The following SRGAP3 variants were observed in gnomAD, a reference collection of about 807,000 sequenced individuals.
SRGAP3 encodes the protein SLIT-ROBO Rho GTPase activating protein 3.
Under a neutral mutation model 121.1 loss-of-function variants are expected in SRGAP3, and 39 were observed. The ratio of observed to expected loss-of-function variants is 0.32; its 90% CI spans 0.25 to 0.42. The LOEUF is 0.42. Among genes scored for constraint, SRGAP3 ranks in the 10% least tolerant of loss-of-function variants. The pLI is 1.00. For missense variants in SRGAP3, 1,213 were observed against 1,470.6 expected, an observed-to-expected ratio of 0.82 and a Z score of 2.86; for synonymous variants, 601 against 570.0, an observed-to-expected ratio of 1.05 and a Z score of -0.77.
chr3:9,187,752 C>T (rs562505396), intron 1 of SRGAP3, among the ~76,000 whole-genome samples: 1 of 152,310 alleles, frequency 6.6e-6, no homozygotes, highest in East Asian at 1.9e-4. Context: ...CAGGGTCTTA[C>T]CCTCAGGCTC....
At chr3:9,213,685 C>G (rs759346872) in intron 1 of SRGAP3, among the ~76,000 whole-genome samples, 22 of 152,206 alleles carry the variant, frequency 1.4e-4, no homozygotes, top group Non-Finnish European at 2.6e-4. Flanking sequence ...TCCAATTGCA[C>G]ATAGAATAAA....
Position 8,985,197 on chromosome 3 carries a change from C to G in SRGAP3, c.*322G>C. 1 of 457,516 alleles carries G rather than the reference C, an allele frequency of 2.2e-6. No homozygotes were observed. The highest frequency in any genetic ancestry group is 2.5e-5 in the South Asian group (1 of 39,588). 28.3% of individuals were successfully genotyped at this position (457,516 alleles called of 1,614,324 possible). ...ACATATACGTATGTAGAGAGAATGT[C>G]GAGAGAGGAAGTTTCCAGTGACGAT... On this transcript the variant is annotated 3_prime_UTR_variant, in exon 22 of 22. Coordinates refer to ENST00000383836, the MANE Select transcript of SRGAP3 (RefSeq NM_014850.4). This position sits in a 1 kb window ranked among gnomAD's most constrained non-coding sequence, Gnocchi z 5.1.
intron 3 of SRGAP3, among the ~76,000 whole-genome samples, chr3:9,263,679 T>C (rs1954296892): frequency 6.6e-6 from 1 of 152,124 alleles, no homozygotes; most frequent in African/African-American, 2.4e-5. Context: ...CAGGAAAAAC[T>C]TGAATCCCTG....
At chr3:9,028,024 G>T in intron 12 of SRGAP3, 2 of 1,558,676 alleles carry the variant, frequency 1.3e-6, no homozygotes, top group African/African-American at 1.4e-5. Context: ...GGCAAGGTGG[G>T]CTCTGTTCTG....
intron 1 of SRGAP3, among the ~76,000 whole-genome samples, chr3:9,134,485 A>G (rs529844593): frequency 6.6e-6 from 1 of 152,276 alleles, no homozygotes; most frequent in Non-Finnish European, 1.5e-5. Context: ...TCTGATTATC[A>G]TGACATCCTA....
chr3:9,325,307 A>C (rs1955500393), intron 3 of SRGAP3, among the ~76,000 whole-genome samples: 1 of 151,892 alleles, frequency 6.6e-6, no homozygotes, highest in Admixed American at 6.5e-5. Flanking sequence ...ACATAAAGTT[A>C]AATAGATTAA....
chr3:9,268,343 C>G (rs1027060663), intron 3 of SRGAP3, among the ~76,000 whole-genome samples: 2 of 150,812 alleles, frequency 1.3e-5, no homozygotes, highest in African/African-American at 4.9e-5. Context: ...TCTCTTCCCC[C>G]CTCTCTCTTC....
intron 3 of SRGAP3, among the ~76,000 whole-genome samples, chr3:9,310,160 G>A (rs538039328): frequency 6.6e-6 from 1 of 152,250 alleles, no homozygotes; most frequent in South Asian, 2.1e-4. Flanking sequence ...GCCAAGTCAG[G>A]ACCAGGTTTC....
intron 9 of SRGAP3, among the ~76,000 whole-genome samples, chr3:9,051,206 G>A (rs12490747): frequency 0.037 from 5,655 of 151,784 alleles, 293 homozygotes; most frequent in East Asian, 0.2. Context: ...AAATGGAGTC[G>A]TCCTATGTTG....
intron 1 of SRGAP3, among the ~76,000 whole-genome samples, chr3:9,131,735 C>A (rs377389964): frequency 1.1e-3 from 173 of 152,272 alleles, no homozygotes; most frequent in African/African-American, 4.0e-3. Flanking sequence ...AGCCACTGCA[C>A]CCGGCCGTAA....
At chr3:9,114,585 C>T (rs1330708449) in intron 2 of SRGAP3, among the ~76,000 whole-genome samples, 1 of 152,184 alleles carries the variant, frequency 6.6e-6, no homozygotes, top group Non-Finnish European at 1.5e-5. Flanking sequence ...CATGAGGGTA[C>T]ACGTTGGTGT....
intron 3 of SRGAP3, among the ~76,000 whole-genome samples, chr3:9,271,901 G>A (rs1342143247): frequency 1.3e-5 from 2 of 152,200 alleles, no homozygotes; most frequent in South Asian, 2.1e-4. Context: ...AGAAGATAAT[G>A]TGCATGGAAG....
intron 3 of SRGAP3, among the ~76,000 whole-genome samples, chr3:9,275,018 G>A (rs1313001213): frequency 6.6e-6 from 1 of 152,124 alleles, no homozygotes; most frequent in Non-Finnish European, 1.5e-5. Context: ...TTCTCACTTT[G>A]AGCCAAGGTT....
At chr3:9,360,271 G>T (rs2030724266) in intron 1 of SRGAP3, among the ~76,000 whole-genome samples, 1 of 152,260 alleles carries the variant, frequency 6.6e-6, no homozygotes, top group African/African-American at 2.4e-5. Context: ...CAGTCTTCTT[G>T]GGTATAAAGC....
At chr3:9,288,791 G>A (rs189192552) in intron 3 of SRGAP3, among the ~76,000 whole-genome samples, 1 of 151,796 alleles carries the variant, frequency 6.6e-6, no homozygotes, top group African/African-American at 2.4e-5. Flanking sequence ...GCCCAGGCTG[G>A]TCTTGAACTC....
chr3:9,170,944 T>C (rs917546803), intron 1 of SRGAP3, among the ~76,000 whole-genome samples: 1 of 152,200 alleles, frequency 6.6e-6, no homozygotes, highest in Non-Finnish European at 1.5e-5. Flanking sequence ...AGCAAGGCCA[T>C]GGGATTCAGG....
At chr3:9,071,640 GTGGATGGATGGATGGATGGA>G (rs3067636) in intron 4 of SRGAP3, among the ~76,000 whole-genome samples, 28 of 144,822 alleles carry the variant, frequency 1.9e-4, no homozygotes, top group African/African-American at 6.3e-4. Flanking sequence ...ATTCTCAAAG[GTGGATGGATGGATGGATGGA>G]TGGATGGATG....
intron 1 of SRGAP3, among the ~76,000 whole-genome samples, chr3:9,163,775 G>A (rs563093005): frequency 1.2e-4 from 18 of 152,126 alleles, no homozygotes; most frequent in South Asian, 4.2e-4. Context: ...GGATCCCACC[G>A]GTGGGAAACA....
At chr3:9,143,279 A>G (rs1949920650) in intron 1 of SRGAP3, among the ~76,000 whole-genome samples, 1 of 152,170 alleles carries the variant, frequency 6.6e-6, no homozygotes, top group Non-Finnish European at 1.5e-5. Context: ...TCCAGCCTTC[A>G]GGCCTTCCGC....
Sources: allele counts gnomAD v4.1 joint callset (sites outside exome capture counted in the v4.1 genomes callset), GRCh38; gene constraint gnomAD v4.1.1; non-coding constraint Gnocchi (gnomAD v3.1); transcripts MANE v1.5; gene names NCBI Gene and HGNC (gene_info 2026-07-23, HGNC 2026-07-21).